NMT2: variants seen among roughly 807,000 people sequenced by gnomAD.
NMT2 encodes glycylpeptide N-tetradecanoyltransferase 2.
In NMT2, 35 loss-of-function variants were observed where a neutral mutation model predicts 65.4. The ratio of observed to expected loss-of-function variants is 0.54; its 90% CI spans 0.41 to 0.71. NMT2 has a LOEUF of 0.71. NMT2 is among the 30% of genes least tolerant of loss of function. NMT2 has a pLI of 0.00. For synonymous variants in NMT2, 226 were observed against 231.8 expected (o/e 0.98, Z 0.23); for missense variants, 489 against 611.3 (o/e 0.80, Z 2.11).
chr10:15,148,320 A>G (rs10906839), intron 1 of NMT2, among the ~76,000 whole-genome samples: 5,938 of 152,260 alleles, frequency 0.039, 132 homozygotes, highest in African/African-American at 0.062. Context: ...GACCAGCCTG[A>G]GCAACATACC....
At chr10:15,140,879 G>T in intron 2 of NMT2, 1 of 1,041,828 alleles carries the variant, frequency 9.6e-7, no homozygotes, top group Non-Finnish European at 1.5e-6. Context: ...GACAACTTCT[G>T]GTTTGGTTTA....
At chr10:15,146,610 C>T (rs1181125948) in intron 1 of NMT2, among the ~76,000 whole-genome samples, 1 of 152,182 alleles carries the variant, frequency 6.6e-6, no homozygotes, top group African/African-American at 2.4e-5. Flanking sequence ...CCAAGGATGG[C>T]AGAGCCACAC....
chr10:15,156,698 A>C (rs1471312519), intron 1 of NMT2, among the ~76,000 whole-genome samples: 1 of 152,118 alleles, frequency 6.6e-6, no homozygotes, highest in Non-Finnish European at 1.5e-5. Flanking sequence ...GGAGTTTGAG[A>C]CCAGCCTGAC....
At chr10:15,136,217 G>A (rs1846489151) in intron 2 of NMT2, among the ~76,000 whole-genome samples, 1 of 145,980 alleles carries the variant, frequency 6.9e-6, no homozygotes, top group Non-Finnish European at 1.5e-5. Flanking sequence ...GCAAGACTCT[G>A]TCAGGAAAGG....
At chr10:15,127,553 A>AT (rs1846120386) in intron 8 of NMT2, among the ~76,000 whole-genome samples, 1 of 93,880 alleles carries the variant, frequency 1.1e-5, no homozygotes, top group Non-Finnish European at 1.8e-5. Context: ...TCTCAAAAAA[A>AT]AAAAAAAAAA....
chr10:15,158,925 C>A (rs963495567), intron 1 of NMT2, among the ~76,000 whole-genome samples: 4 of 152,160 alleles, frequency 2.6e-5, no homozygotes, highest in African/African-American at 9.7e-5. Context: ...ATTTACCCCC[C>A]AAAGGTGCCA....
intron 1 of NMT2, among the ~76,000 whole-genome samples, chr10:15,161,096 A>AAAAAAAAAAAAAAAAAC (rs1833177247): frequency 6.7e-6 from 1 of 149,394 alleles, no homozygotes; most frequent in Non-Finnish European, 1.5e-5. Context: ...AAAAAAAAAA[A>AAAAAAAAAAAAAAAAAC]AAAAAAAAAA....
chr10:15,138,529 G>A (rs1215718399), intron 2 of NMT2: 5 of 464,906 alleles, frequency 1.1e-5, no homozygotes, highest in Non-Finnish European at 2.2e-5. Context: ...ATAAGAGGCA[G>A]GTATATTCTC....
Position 15,128,355 on chromosome 10 carries a change from G to T in NMT2, c.994C>A (p.Pro332Thr). The T allele has an allele frequency of 6.5e-7, 1 of 1,540,166 alleles. No individual in the cohort carries two copies. Among genetic ancestry groups the T allele is most frequent in the South Asian group, 1.1e-5 (1 of 88,744 alleles). The change falls in exon 8 of 12, where the codon CCA (proline) becomes ACA (threonine). Residue 332 changes from proline (P) to threonine (T), a missense_variant. Physicochemically the swap from Pro to Thr is conservative, Grantham distance 38. Coordinates refer to ENST00000378165, the MANE Select transcript of NMT2 (RefSeq NM_004808.3). The stretch of plus-strand genomic sequence containing the variant: ...TGCAAATCATTCTTACTTACATCTG[G>T]AAGTCTGTATAGCTTCATTGTTCTC... ...LQRTMKLYRL[P>T]DVTKTSGLRP... is the part of the protein sequence containing the mutation.
chr10:15,123,247 T>C (rs888427109), intron 8 of NMT2, among the ~76,000 whole-genome samples: 2 of 152,070 alleles, frequency 1.3e-5, no homozygotes, highest in Non-Finnish European at 2.9e-5. Context: ...TAAAATAATC[T>C]GTGTAAGAAT....
intron 1 of NMT2, among the ~76,000 whole-genome samples, chr10:15,143,504 C>G (rs10737093): frequency 1.3e-5 from 2 of 152,176 alleles, no homozygotes; most frequent in South Asian, 4.1e-4. Flanking sequence ...CTGGGAAGGA[C>G]GCTTTGAAGT....
intron 8 of NMT2, among the ~76,000 whole-genome samples, chr10:15,127,580 A>AAT: frequency 1.4e-5 from 1 of 71,504 alleles, no homozygotes; most frequent in East Asian, 2.8e-4. Flanking sequence ...ATAAATAAAT[A>AAT]AATAAATAAA....
chr10:15,144,628 G>A (rs1027849733), intron 1 of NMT2, among the ~76,000 whole-genome samples: 2 of 152,194 alleles, frequency 1.3e-5, no homozygotes, highest in Non-Finnish European at 2.9e-5. Flanking sequence ...CTACTCAGGA[G>A]GCTGAGGCAG....
chr10:15,110,093 G>A (rs758563180), intron 10 of NMT2, among the ~76,000 whole-genome samples: 9 of 151,836 alleles, frequency 5.9e-5, no homozygotes, highest in South Asian at 2.1e-4. Context: ...CCAACATGGC[G>A]AAACCCCATC....
intron 8 of NMT2, among the ~76,000 whole-genome samples, chr10:15,127,556 A>AAAAAAAT (rs1846122038): frequency 2.5e-5 from 2 of 78,724 alleles, no homozygotes; most frequent in African/African-American, 2.8e-4. Context: ...CAAAAAAAAA[A>AAAAAAAT]AAAAAAAAAA....
intron 2 of NMT2, chr10:15,141,200 C>A: frequency 1.3e-6 from 1 of 789,930 alleles, no homozygotes; most frequent in East Asian, 2.7e-5. Flanking sequence ...GGGAAAAACA[C>A]AGCAGGTATC....
At chr10:15,129,351 A>G (rs1846196964) in intron 7 of NMT2, among the ~76,000 whole-genome samples, 2 of 152,160 alleles carry the variant, frequency 1.3e-5, no homozygotes, top group Non-Finnish European at 2.9e-5. Flanking sequence ...GGGTGGGGAG[A>G]TAAACTCTGA....
intron 10 of NMT2, among the ~76,000 whole-genome samples, chr10:15,112,209 TA>T: frequency 5.0e-5 from 1 of 20,196 alleles, no homozygotes; most frequent in African/African-American, 3.4e-4. Flanking sequence ...TATATATATA[TA>T]TATATATTTT....
intron 8 of NMT2, among the ~76,000 whole-genome samples, chr10:15,122,476 G>A (rs1407885144): frequency 6.6e-6 from 1 of 151,778 alleles, no homozygotes; most frequent in East Asian, 1.9e-4. Flanking sequence ...GGAGTGCAGT[G>A]GTGTGATCTC....
Sources: gnomAD v4.1 joint callset for allele counts (sites outside exome capture counted in the v4.1 genomes callset) on GRCh38, gnomAD v4.1.1 for gene constraint, MANE v1.5 for transcripts, NCBI Gene and HGNC (gene_info 2026-07-23, HGNC 2026-07-21) for gene names.